KCNQ5: variants seen among roughly 807,000 people sequenced by gnomAD.
The protein encoded by KCNQ5 is potassium voltage-gated channel subfamily KQT member 5.
In KCNQ5, 30 loss-of-function variants were observed where a neutral mutation model predicts 98.2. That is an observed-to-expected ratio of 0.31 (90% CI 0.23 to 0.41). KCNQ5 has a LOEUF of 0.41. KCNQ5 is among the 10% of genes least tolerant of loss of function. KCNQ5 has a pLI of 1.00. For missense variants in KCNQ5, 835 were observed against 1,182.5 expected, an observed-to-expected ratio of 0.71 and a Z score of 4.31; for synonymous variants, 458 against 449.4, an observed-to-expected ratio of 1.02 and a Z score of -0.24.
chr6:72,649,713 A>G (rs1464961887), intron 1 of KCNQ5, among the ~76,000 whole-genome samples: 4 of 152,154 alleles, frequency 2.6e-5, no homozygotes, highest in Non-Finnish European at 5.9e-5. Context: ...GGATGGTGTA[A>G]TTCAGATGAA....
At chr6:72,778,480 A>G (rs1289512610) in intron 1 of KCNQ5, among the ~76,000 whole-genome samples, 1 of 152,026 alleles carries the variant, frequency 6.6e-6, no homozygotes, top group African/African-American at 2.4e-5. Flanking sequence ...AGGGGACTGC[A>G]ATGAGCAGAG....
chr6:73,069,495 T>C (rs987047983), intron 3 of KCNQ5, among the ~76,000 whole-genome samples: 1 of 152,108 alleles, frequency 6.6e-6, no homozygotes, highest in Non-Finnish European at 1.5e-5. Context: ...ATCTACAGTA[T>C]GATATGTACG....
intron 1 of KCNQ5, among the ~76,000 whole-genome samples, chr6:72,774,575 T>C (rs1011659179): frequency 3.3e-5 from 5 of 151,794 alleles, no homozygotes; most frequent in African/African-American, 1.2e-4. Flanking sequence ...TCAAAATACA[T>C]ATATTCAACA....
chr6:72,822,274 G>T (rs781640306), intron 1 of KCNQ5, among the ~76,000 whole-genome samples: 7 of 152,104 alleles, frequency 4.6e-5, no homozygotes, highest in Non-Finnish European at 1.0e-4. Context: ...ATCATTTCTT[G>T]GTCAGCATCT....
chr6:72,636,598 C>T (rs903250411), intron 1 of KCNQ5, among the ~76,000 whole-genome samples: 5 of 152,124 alleles, frequency 3.3e-5, no homozygotes, highest in East Asian at 1.9e-4. Flanking sequence ...TTCTTCTCCC[C>T]GTGTTTTGAG....
chr6:72,956,308 T>A (rs1296478116), intron 1 of KCNQ5, among the ~76,000 whole-genome samples: 1 of 152,038 alleles, frequency 6.6e-6, no homozygotes, highest in Non-Finnish European at 1.5e-5. Flanking sequence ...GAGCCAAAAT[T>A]ATTTAGCAGC....
chr6:73,063,713 T>TAGAC (rs1562156258), intron 3 of KCNQ5, among the ~76,000 whole-genome samples: 3 of 109,486 alleles, frequency 2.7e-5, no homozygotes, highest in Admixed American at 9.1e-5. Context: ...GATAGATAGA[T>TAGAC]AGATAGATGA....
chr6:72,792,646 T>G (rs1333236267), intron 1 of KCNQ5, among the ~76,000 whole-genome samples: 2 of 152,350 alleles, frequency 1.3e-5, no homozygotes, highest in East Asian at 3.9e-4. Flanking sequence ...GCCTTAAAAT[T>G]TGTGGCTACT....
chr6:72,904,238 A>G (rs1198764744), intron 1 of KCNQ5, among the ~76,000 whole-genome samples: 2 of 152,022 alleles, frequency 1.3e-5, no homozygotes, highest in Non-Finnish European at 2.9e-5. Context: ...TTTAAGTTTA[A>G]TGGTACTTAT....
chr6:72,739,344 C>T (rs950987578), intron 1 of KCNQ5, among the ~76,000 whole-genome samples: 1 of 152,088 alleles, frequency 6.6e-6, no homozygotes, highest in African/African-American at 2.4e-5. Context: ...GAAAGTCTAA[C>T]GATATGCTAT....
chr6:73,149,536 G>T (rs144087967), intron 10 of KCNQ5, among the ~76,000 whole-genome samples: 86 of 152,282 alleles, frequency 5.6e-4, no homozygotes, highest in Middle Eastern at 3.4e-3. Flanking sequence ...GGTGGCTCAC[G>T]CCTGTAATCC....
intron 2 of KCNQ5, among the ~76,000 whole-genome samples, chr6:73,022,464 A>C (rs1016975909): frequency 6.6e-6 from 1 of 152,122 alleles, no homozygotes; most frequent in Non-Finnish European, 1.5e-5. Flanking sequence ...CAACACAGTA[A>C]GTCCTCATCT....
intron 1 of KCNQ5, among the ~76,000 whole-genome samples, chr6:72,648,329 T>C (rs1765704098): frequency 2.6e-5 from 4 of 152,018 alleles, no homozygotes; most frequent in Admixed American, 2.6e-4. Context: ...TCATTGGTAA[T>C]AGAAAAAAAT....
chr6:72,966,405 CAA>C (rs534190653), intron 1 of KCNQ5, among the ~76,000 whole-genome samples: 2 of 129,090 alleles, frequency 1.5e-5, no homozygotes, highest in Non-Finnish European at 1.7e-5. Flanking sequence ...TTAAAAATAA[CAA>C]AAAAAAAAAA....
chr6:72,964,997 G>A (rs1286924796), intron 1 of KCNQ5, among the ~76,000 whole-genome samples: 3 of 152,016 alleles, frequency 2.0e-5, no homozygotes, highest in African/African-American at 4.8e-5. Context: ...TTATTTTGTA[G>A]AAATTGGGTC....
At chr6:72,775,714 G>A (rs1384421211) in intron 1 of KCNQ5, among the ~76,000 whole-genome samples, 1 of 152,118 alleles carries the variant, frequency 6.6e-6, no homozygotes, top group Non-Finnish European at 1.5e-5. Flanking sequence ...CTTTACATCT[G>A]TGGTCTTCCT....
chr6:72,801,986 C>T (rs1270439354), intron 1 of KCNQ5, among the ~76,000 whole-genome samples: 2 of 152,060 alleles, frequency 1.3e-5, no homozygotes, highest in African/African-American at 2.4e-5. Flanking sequence ...GGGTTTCTGC[C>T]GAGAGATCCG....
chr6:73,079,223 G>C (rs1000563924), intron 5 of KCNQ5, among the ~76,000 whole-genome samples: 2 of 152,176 alleles, frequency 1.3e-5, no homozygotes, highest in Admixed American at 1.3e-4. Flanking sequence ...AATCACTTAA[G>C]CCTGGCAGGT....
chr6:72,971,797 T>C (rs1006107772), intron 1 of KCNQ5, among the ~76,000 whole-genome samples: 1 of 151,846 alleles, frequency 6.6e-6, no homozygotes, highest in Non-Finnish European at 1.5e-5. Context: ...ATGAGAACAC[T>C]TGGACACAGG....
Sources: allele counts gnomAD v4.1 joint callset (sites outside exome capture counted in the v4.1 genomes callset), GRCh38; gene constraint gnomAD v4.1.1; transcripts MANE v1.5; gene names NCBI Gene and HGNC (gene_info 2026-07-23, HGNC 2026-07-21).